Variants in SPMIP2 observed in about 807,000 individuals in gnomAD.
SPMIP2 encodes the protein sperm microtubule inner protein 2.
the SPMIP2 span, chr4:158,904,441 ATTCTT>A: frequency 3.2e-6 from 5 of 1,573,466 alleles, no homozygotes; most frequent in Non-Finnish European, 3.5e-6. Flanking sequence ...TTAAAGTAAT[ATTCTT>A]TTCTTTTCTC....
the SPMIP2 span, among the ~76,000 whole-genome samples, chr4:158,951,422 T>C: frequency 6.6e-6 from 1 of 152,236 alleles, no homozygotes; most frequent in Non-Finnish European, 1.5e-5. Context: ...TGGTAAGTAT[T>C]TGTGTATCTA....
chr4:158,931,430 T>C, the SPMIP2 span, among the ~76,000 whole-genome samples: 2 of 152,156 alleles, frequency 1.3e-5, no homozygotes, highest in Non-Finnish European at 2.9e-5. Context: ...TGTAATTTTG[T>C]AATTTTAGTA....
At chr4:159,059,896 C>T in the SPMIP2 span, among the ~76,000 whole-genome samples, 21 of 152,118 alleles carry the variant, frequency 1.4e-4, no homozygotes, top group Non-Finnish European at 2.6e-4. Flanking sequence ...GCTGACCTCA[C>T]GATTCTTTGG....
chr4:158,900,977 TTTTCC>T, the SPMIP2 span, among the ~76,000 whole-genome samples: 3 of 152,192 alleles, frequency 2.0e-5, no homozygotes, highest in Admixed American at 6.5e-5. Flanking sequence ...TGGTACCGCT[TTTTCC>T]TTTCCATGTA....
chr4:159,078,354 C>T, the SPMIP2 span, among the ~76,000 whole-genome samples: 1 of 152,116 alleles, frequency 6.6e-6, no homozygotes, highest in Non-Finnish European at 1.5e-5. Flanking sequence ...CAGACTAGAA[C>T]TTGATAGCAC....
the SPMIP2 span, among the ~76,000 whole-genome samples, chr4:159,037,965 T>TTC: frequency 3.7e-3 from 556 of 151,436 alleles, 3 homozygotes; most frequent in African/African-American, 0.013. Context: ...GTAAAGATAT[T>TTC]TCTCTCTCTC....
At chr4:159,013,043 C>T in the SPMIP2 span, among the ~76,000 whole-genome samples, 2 of 152,218 alleles carry the variant, frequency 1.3e-5, no homozygotes, top group Non-Finnish European at 2.9e-5. Context: ...GATCATTCCC[C>T]AGTGGCCACA....
chr4:158,959,476 T>G, the SPMIP2 span, among the ~76,000 whole-genome samples: 1 of 152,148 alleles, frequency 6.6e-6, no homozygotes, highest in Non-Finnish European at 1.5e-5. Flanking sequence ...GCTTTTGACA[T>G]GGGGTTTGAA....
the SPMIP2 span, among the ~76,000 whole-genome samples, chr4:158,932,651 A>G: frequency 6.6e-6 from 1 of 152,146 alleles, no homozygotes; most frequent in African/African-American, 2.4e-5. Context: ...CATGGGGTAG[A>G]GCACACAGAG....
chr4:158,985,875 C>T, the SPMIP2 span, among the ~76,000 whole-genome samples: 6 of 151,980 alleles, frequency 3.9e-5, no homozygotes, highest in African/African-American at 1.4e-4. Flanking sequence ...GATTGTATAT[C>T]TAGAAAACCC....
chr4:158,895,124 A>G, the SPMIP2 span, among the ~76,000 whole-genome samples: 1 of 152,168 alleles, frequency 6.6e-6, no homozygotes, highest in Non-Finnish European at 1.5e-5. Context: ...CACTATTCCA[A>G]GGGTAAAGAT....
At chr4:158,960,129 CTG>C in the SPMIP2 span, among the ~76,000 whole-genome samples, 10 of 152,012 alleles carry the variant, frequency 6.6e-5, no homozygotes, top group South Asian at 2.1e-3. Flanking sequence ...TGCATATTTA[CTG>C]TGTTTATTAG....
At chr4:159,074,565 A>G in the SPMIP2 span, among the ~76,000 whole-genome samples, 1 of 152,168 alleles carries the variant, frequency 6.6e-6, no homozygotes, top group Admixed American at 6.5e-5. Flanking sequence ...AGTCTGGCTT[A>G]GAGTGCAGCT....
the SPMIP2 span, chr4:158,915,220 G>T: frequency 6.2e-7 from 1 of 1,613,608 alleles, no homozygotes; most frequent in South Asian, 1.1e-5. Context: ...GAAGCTCTTG[G>T]CAATGATGAC....
the SPMIP2 span, among the ~76,000 whole-genome samples, chr4:158,980,750 G>A: frequency 6.6e-6 from 1 of 152,164 alleles, no homozygotes; most frequent in Non-Finnish European, 1.5e-5. Context: ...CATAGATGAG[G>A]AGAAACCACC....
chr4:158,921,128 C>A, the SPMIP2 span, among the ~76,000 whole-genome samples: 1 of 136,116 alleles, frequency 7.3e-6, no homozygotes, highest in Non-Finnish European at 1.5e-5. Flanking sequence ...TGACAGAGTT[C>A]TCACAAGATC....
At chr4:159,002,362 T>C in the SPMIP2 span, among the ~76,000 whole-genome samples, 9 of 151,678 alleles carry the variant, frequency 5.9e-5, no homozygotes, top group Non-Finnish European at 1.2e-4. Flanking sequence ...TTGATAAAGT[T>C]TACTTTATTA....
chr4:158,942,957 C>T, the SPMIP2 span, among the ~76,000 whole-genome samples: 1 of 152,132 alleles, frequency 6.6e-6, no homozygotes, highest in East Asian at 1.9e-4. Flanking sequence ...TTTCTTGGTA[C>T]TATACTTGTC....
the SPMIP2 span, chr4:159,007,462 A>G: frequency 2.9e-6 from 2 of 694,122 alleles, no homozygotes; most frequent in Non-Finnish European, 5.3e-6. Context: ...GTAGTCTCAA[A>G]GAGAAATGCA....
Sources: allele counts gnomAD v4.1 joint callset (sites outside exome capture counted in the v4.1 genomes callset), GRCh38; gene constraint gnomAD v4.1.1; transcripts MANE v1.5; gene names NCBI Gene and HGNC (gene_info 2026-07-23, HGNC 2026-07-21).